PIK3CB: variants seen among roughly 807,000 people sequenced by gnomAD.
The protein encoded by PIK3CB is phosphatidylinositol 4,5-bisphosphate 3-kinase catalytic subunit beta isoform.
In PIK3CB, 39 loss-of-function variants were observed where a neutral mutation model predicts 136.8. The observed-to-expected ratio is 0.29, with a 90% CI of 0.22 to 0.37. The LOEUF is 0.37. Ranked by LOEUF, PIK3CB falls within the 10% of genes least tolerant of loss-of-function variation. The pLI, the probability that PIK3CB is intolerant of heterozygous loss-of-function variation, is 1.00. For missense variants in PIK3CB, 868 were observed against 1,275.4 expected (o/e 0.68, Z 4.87); for synonymous variants, 428 against 436.6 (o/e 0.98, Z 0.25).
intron 21 of PIK3CB, among the ~76,000 whole-genome samples, chr3:138,662,825 C>A (rs1487567452): frequency 1.3e-5 from 2 of 152,176 alleles, no homozygotes; most frequent in African/African-American, 2.4e-5. Context: ...GAGATGGTAT[C>A]CCACTGTGGT....
intron 1 of PIK3CB, among the ~76,000 whole-genome samples, chr3:138,833,064 A>G (rs1041696549): frequency 6.6e-6 from 1 of 150,850 alleles, no homozygotes; most frequent in Non-Finnish European, 1.5e-5. Context: ...GGTCTCAAAA[A>G]GATTTTTTTT....
rs539113435 is a variant in PIK3CB, at chr3:138,714,340, T to G, written c.1302+128A>C. ...GATATAAACATGGAAATTTCTTATC[T>G]TCTTAAAATCAGTTTTTAAGGATCA... On this transcript the variant is annotated intron_variant, in intron 9 of 23. Coordinates refer to ENST00000674063, the MANE Select transcript of PIK3CB (RefSeq NM_006219.3). 1.3e-4 allele frequency: 73 copies of G among 567,636 alleles called. No individual in the cohort carries two copies. In the African/African-American group the frequency reaches 1.3e-3, roughly 10 times the overall value. The allele number at this position is 567,636 out of a possible 1,614,324, so 35.2% of individuals were successfully genotyped here.
intron 2 of PIK3CB, among the ~76,000 whole-genome samples, chr3:138,772,281 C>T (rs1262140256): frequency 2.6e-5 from 4 of 152,220 alleles, no homozygotes; most frequent in African/African-American, 9.6e-5. Context: ...GACACTCATA[C>T]AGTTCAAAAG....
chr3:138,762,442 G>T (rs948345380), intron 2 of PIK3CB, among the ~76,000 whole-genome samples: 1 of 152,136 alleles, frequency 6.6e-6, no homozygotes, highest in African/African-American at 2.4e-5. Flanking sequence ...ACAGTATATG[G>T]AAAGGTCTCT....
At chr3:138,724,892 T>C (rs914659264) in intron 8 of PIK3CB, among the ~76,000 whole-genome samples, 1 of 152,160 alleles carries the variant, frequency 6.6e-6, no homozygotes, top group African/African-American at 2.4e-5. Context: ...CTACATGACC[T>C]TCAACTAAGG....
intron 1 of PIK3CB, among the ~76,000 whole-genome samples, chr3:138,808,761 T>TA (rs2046261678): frequency 6.6e-6 from 1 of 151,658 alleles, no homozygotes; most frequent in African/African-American, 2.4e-5. Context: ...TATATATATA[T>TA]ACACACACAC....
chr3:138,665,125 A>C lies in PIK3CB; in HGVS notation c.2583T>G (p.Ala861=). 1 of 1,613,718 alleles carries C rather than the reference A, an allele frequency of 6.2e-7. No homozygotes were observed. Among genetic ancestry groups the C allele is most frequent in the Non-Finnish European group, 8.5e-7 (1 of 1,179,756 alleles). The change falls in exon 20 of 24, where the codon GCT becomes GCG. Residue 861 remains alanine, a synonymous_variant. Transcript: ENST00000674063. ...CATTGCTACTGTTCAGCTGAATGTCAGCAATTGTTTCAGAGGTGCTCACAA... is the reference window on the plus strand; with the variant it reads ...CATTGCTACTGTTCAGCTGAATGTCCGCAATTGTTTCAGAGGTGCTCACAA... ...IEVVSTSETI[A]DIQLNSSNVA...
At chr3:138,681,734 T>A (rs913987803) in intron 19 of PIK3CB, among the ~76,000 whole-genome samples, 1 of 152,220 alleles carries the variant, frequency 6.6e-6, no homozygotes, top group Non-Finnish European at 1.5e-5. Context: ...CCAAACCTTA[T>A]TAAAGTTCAA....
intron 2 of PIK3CB, among the ~76,000 whole-genome samples, chr3:138,762,599 T>G (rs1008488458): frequency 6.6e-6 from 1 of 152,204 alleles, no homozygotes; most frequent in Admixed American, 6.6e-5. Context: ...CTTCTCAATC[T>G]TGCAAGTAAT....
intron 1 of PIK3CB, among the ~76,000 whole-genome samples, chr3:138,799,892 T>C (rs1182052384): frequency 2.2e-4 from 34 of 152,118 alleles, no homozygotes; most frequent in Non-Finnish European, 1.8e-4. Flanking sequence ...TTGCCCAGGC[T>C]GGTCTCGAAC....
In PIK3CB at chr3:138,785,243, A is replaced by C. The variant is rs567261070; in HGVS notation, c.-17+11220T>G. Among the ~76,000 whole-genome samples, 569 of 146,838 alleles carry C rather than the reference A, an allele frequency of 3.9e-3. 5 individuals are homozygous for C. The highest frequency in any genetic ancestry group is 0.014 in the African/African-American group (546 of 39,424). ...CCCTGTCCCGGAGGGAGGCGGGGGGAAGCTCCCGCCCGGCAGCCGCCCCCT... is the reference window on the plus strand; with the variant it reads ...CCCTGTCCCGGAGGGAGGCGGGGGGCAGCTCCCGCCCGGCAGCCGCCCCCT... On this transcript the variant is annotated intron_variant, in intron 2 of 23. Transcript: ENST00000674063.
intron 1 of PIK3CB, 196 bp from the exon 2 acceptor site, chr3:138,796,763 TTAG>T (rs1049961197): frequency 6.6e-6 from 1 of 152,130 alleles, no homozygotes; most frequent in Non-Finnish European, 1.5e-5. Context: ...TTCTAATTAA[TTAG>T]TAGGCTTTAT....
intron 2 of PIK3CB, among the ~76,000 whole-genome samples, chr3:138,764,036 G>A (rs180796178): frequency 1.3e-5 from 2 of 151,570 alleles, no homozygotes; most frequent in African/African-American, 2.4e-5. Context: ...GCTTGAACTC[G>A]GGAGGCGGAG....
intron 13 of PIK3CB, 70 bp from the exon 14 acceptor site, chr3:138,694,977 G>A (rs1239841504): frequency 6.8e-7 from 1 of 1,464,502 alleles, no homozygotes; most frequent in African/African-American, 1.4e-5. Flanking sequence ...TTGACACACA[G>A]GAGCACCAAG....
At chr3:138,721,667 T>C (rs949623835) in intron 8 of PIK3CB, among the ~76,000 whole-genome samples, 1 of 152,238 alleles carries the variant, frequency 6.6e-6, no homozygotes, top group African/African-American at 2.4e-5. Flanking sequence ...CCAAATATTA[T>C]TCAATTAAAG....
intron 21 of PIK3CB, among the ~76,000 whole-genome samples, chr3:138,659,059 A>T (rs758437044): frequency 4.3e-4 from 65 of 152,310 alleles, no homozygotes; most frequent in South Asian, 1.0e-3. Flanking sequence ...GTTTCTCAAT[A>T]CTGGCACACA....
At chr3:138,790,252 T>G (rs2046032944) in intron 2 of PIK3CB, among the ~76,000 whole-genome samples, 1 of 152,100 alleles carries the variant, frequency 6.6e-6, no homozygotes, top group South Asian at 2.1e-4. Flanking sequence ...GAAAAAGTTC[T>G]GGAGATGGAC....
At chr3:138,657,608 T>A (rs1479588814) in intron 22 of PIK3CB, 82 bp downstream of exon 22, 1 of 1,215,964 alleles carries the variant, frequency 8.2e-7, no homozygotes, top group East Asian at 2.4e-5. Flanking sequence ...TCCAAATATA[T>A]CTCAGCTAAG....
chr3:138,659,659 A>G (rs2043253155), intron 21 of PIK3CB, among the ~76,000 whole-genome samples: 1 of 152,112 alleles, frequency 6.6e-6, no homozygotes, highest in African/African-American at 2.4e-5. Flanking sequence ...AAACTCTGGT[A>G]TGTGGCCTGC....
Sources: allele counts gnomAD v4.1 joint callset (sites outside exome capture counted in the v4.1 genomes callset), GRCh38; gene constraint gnomAD v4.1.1; transcripts MANE v1.5; gene names NCBI Gene and HGNC (gene_info 2026-07-23, HGNC 2026-07-21).